TBC1D8: variants seen among roughly 807,000 people sequenced by gnomAD.
The protein encoded by TBC1D8 is BUB2-like protein 1.
TBC1D8 carries 65 observed loss-of-function variants against 118.8 expected under a neutral mutation model. That is an observed-to-expected ratio of 0.55 (90% CI 0.45 to 0.67). The LOEUF (loss-of-function observed/expected upper bound fraction) is 0.67, where lower values mean the gene tolerates loss of function less well. Ranked by LOEUF, TBC1D8 falls within the 30% of genes least tolerant of loss-of-function variation. The pLI is 0.00. For synonymous variants in TBC1D8, 566 were observed against 595.8 expected (o/e 0.95, Z 0.73); for missense variants, 1,376 against 1,471.2 (o/e 0.94, Z 1.06).
At chr2:101,061,293 C>T (rs1682740000) in intron 2 of TBC1D8, among the ~76,000 whole-genome samples, 2 of 151,710 alleles carry the variant, frequency 1.3e-5, no homozygotes, top group Admixed American at 1.3e-4. Context: ...AATATAAACA[C>T]CCCACACAAG....
chr2:101,135,171 CA>C (rs1336620441), intron 1 of TBC1D8, among the ~76,000 whole-genome samples: 1 of 150,732 alleles, frequency 6.6e-6, no homozygotes, highest in African/African-American at 2.4e-5. Context: ...GACTCCGTCT[CA>C]AAAAAAGAAA....
At chr2:101,076,866 T>C (rs1348530609) in intron 2 of TBC1D8, among the ~76,000 whole-genome samples, 1 of 152,122 alleles carries the variant, frequency 6.6e-6, no homozygotes, top group Non-Finnish European at 1.5e-5. Flanking sequence ...CACATTGCTA[T>C]AAAGAAATAC....
At chr2:101,129,979 G>A (rs878937913) in intron 1 of TBC1D8, among the ~76,000 whole-genome samples, 1 of 152,050 alleles carries the variant, frequency 6.6e-6, no homozygotes, top group Non-Finnish European at 1.5e-5. Context: ...CCTCAGATCA[G>A]TCAGTGGACC....
intron 19 of TBC1D8, among the ~76,000 whole-genome samples, chr2:101,008,811 T>TAAA (rs34291098): frequency 1.4e-5 from 2 of 145,750 alleles, no homozygotes; most frequent in African/African-American, 2.5e-5. Context: ...AACTTTGTCT[T>TAAA]AAAAAAAAAA....
At position 101,007,676 on chromosome 2, in the gene TBC1D8, C is replaced by T; in HGVS notation, c.*145G>A. 1.2e-6 allele frequency: 1 copy of T among 807,818 alleles called. No homozygotes were observed. The highest frequency in any genetic ancestry group is 2.5e-5 in the Admixed American group (1 of 40,040). 50.0% of individuals were successfully genotyped at this position (807,818 alleles called of 1,614,324 possible). On this transcript the variant is annotated 3_prime_UTR_variant, in exon 20 of 20. Transcript: ENST00000409318. ...AAATGCTTGAGGGTTGTGTCGGTTC[C>T]CCTGGCCACAGTTTGTCAGGTTGTT...
chr2:101,069,255 T>C (rs1268489901), intron 2 of TBC1D8, among the ~76,000 whole-genome samples: 2 of 150,204 alleles, frequency 1.3e-5, no homozygotes, highest in East Asian at 3.9e-4. Flanking sequence ...ATCACGCCAC[T>C]GCACTCCAGC....
At chr2:101,057,497 T>C (rs1682505142) in intron 3 of TBC1D8, among the ~76,000 whole-genome samples, 1 of 152,144 alleles carries the variant, frequency 6.6e-6, no homozygotes, top group Admixed American at 6.5e-5. Flanking sequence ...CATCACTGAG[T>C]TTCTGTTACA....
chr2:101,019,153 C>T, intron 17 of TBC1D8: 1 of 1,435,268 alleles, frequency 7.0e-7, no homozygotes, highest in East Asian at 2.5e-5. Context: ...TCCCATATTA[C>T]CCTGGCAGAG....
At chr2:101,023,623 A>T (rs1212173857) in intron 15 of TBC1D8, 1 of 439,438 alleles carries the variant, frequency 2.3e-6, no homozygotes, top group South Asian at 1.7e-5. Context: ...ATTTTTTTTA[A>T]GTTTTTTTTT....
chr2:101,146,068 A>C (rs1348479868), intron 1 of TBC1D8, among the ~76,000 whole-genome samples: 2 of 151,876 alleles, frequency 1.3e-5, no homozygotes, highest in African/African-American at 4.8e-5. Flanking sequence ...ATTAATTCTA[A>C]GCCTTATTTT....
intron 1 of TBC1D8, among the ~76,000 whole-genome samples, chr2:101,118,512 C>T (rs574845515): frequency 3.2e-4 from 49 of 151,458 alleles, no homozygotes; most frequent in Admixed American, 2.2e-3. Context: ...CTGGCTAACA[C>T]GGTGAAACCC....
chr2:101,086,924 C>T (rs1376282807), intron 2 of TBC1D8, among the ~76,000 whole-genome samples: 2 of 151,928 alleles, frequency 1.3e-5, no homozygotes, highest in South Asian at 2.1e-4. Context: ...GCTGAGATTA[C>T]AGGCACCCAC....
chr2:101,075,474 T>C (rs1020619074), intron 2 of TBC1D8, among the ~76,000 whole-genome samples: 2 of 151,966 alleles, frequency 1.3e-5, no homozygotes, highest in African/African-American at 4.8e-5. Flanking sequence ...TCATCTTGAA[T>C]TGTAATTCCC....
At chr2:101,045,434 C>T (rs67648215) in intron 5 of TBC1D8, among the ~76,000 whole-genome samples, 19,039 of 152,224 alleles carry the variant, frequency 0.13, 1,321 homozygotes, top group Non-Finnish European at 0.15. Context: ...TCATTCGGCC[C>T]GCATCCAAGA....
At chr2:101,143,181 G>A (rs1016382604) in intron 1 of TBC1D8, among the ~76,000 whole-genome samples, 4 of 150,944 alleles carry the variant, frequency 2.6e-5, no homozygotes, top group African/African-American at 9.8e-5. Flanking sequence ...CCCTGCCTCA[G>A]CCTCCCAAGT....
Position 101,010,997 on chromosome 2 carries a change from T to C in TBC1D8, c.2947A>G (p.Lys983Glu). 4 of 1,613,032 alleles carry C rather than the reference T, an allele frequency of 2.5e-6. No homozygotes were observed. Among genetic ancestry groups the C allele is most frequent in the Non-Finnish European group, 3.4e-6 (4 of 1,179,886 alleles). ...TTGGCTAAATCCTTAATCATCTGCTTCAGCTGTTTCTGATAATCAACTGCA... is the reference window on the plus strand; with the variant it reads ...TTGGCTAAATCCTTAATCATCTGCTCCAGCTGTTTCTGATAATCAACTGCA... ...GDAVDYQKQLKQMIKDLAKEK... is the reference protein window; with the variant it reads ...GDAVDYQKQLEQMIKDLAKEK... The change falls in exon 19 of 20, where the codon AAG becomes GAG. Residue 983 changes from lysine to glutamate, a missense_variant. Lys to Glu is a moderately conservative substitution (Grantham distance 56). Coordinates refer to ENST00000409318, the MANE Select transcript of TBC1D8 (RefSeq NM_001330348.2).
intron 2 of TBC1D8, among the ~76,000 whole-genome samples, chr2:101,077,656 A>G (rs1674935212): frequency 2.0e-5 from 3 of 152,108 alleles, no homozygotes; most frequent in Non-Finnish European, 2.9e-5. Flanking sequence ...ATCTACCCCC[A>G]TGATCCAATC....
intron 2 of TBC1D8, among the ~76,000 whole-genome samples, chr2:101,079,454 A>T (rs530215092): frequency 6.6e-6 from 1 of 152,242 alleles, no homozygotes; most frequent in African/African-American, 2.4e-5. Context: ...AGCTCACCGC[A>T]GCCTTGAACT....
At chr2:101,057,682 G>A (rs1327531050) in intron 3 of TBC1D8, among the ~76,000 whole-genome samples, 3 of 152,292 alleles carry the variant, frequency 2.0e-5, no homozygotes, top group South Asian at 2.1e-4. Flanking sequence ...ACATTAGCCA[G>A]GTGTGGTGGT....
Sources: gnomAD v4.1 joint callset for allele counts (sites outside exome capture counted in the v4.1 genomes callset) on GRCh38, gnomAD v4.1.1 for gene constraint, MANE v1.5 for transcripts, NCBI Gene and HGNC (gene_info 2026-07-23, HGNC 2026-07-21) for gene names.